RALGPS1: variants seen among roughly 807,000 people sequenced by gnomAD.
The protein encoded by RALGPS1 is ras-specific guanine nucleotide-releasing factor RalGPS1.
Under a neutral mutation model 78.8 loss-of-function variants are expected in RALGPS1, and 19 were observed. The ratio of observed to expected loss-of-function variants is 0.24; its 90% CI spans 0.17 to 0.35. RALGPS1 has a LOEUF of 0.35. Among genes scored for constraint, RALGPS1 ranks in the 10% least tolerant of loss-of-function variants. RALGPS1 has a pLI of 1.00. For synonymous variants in RALGPS1, 228 were observed against 256.3 expected, an observed-to-expected ratio of 0.89 and a Z score of 1.06; for missense variants, 454 against 688.3, an observed-to-expected ratio of 0.66 and a Z score of 3.81.
intron 1 of RALGPS1, among the ~76,000 whole-genome samples, chr9:126,953,812 A>G (rs1018755568): frequency 6.6e-6 from 1 of 152,178 alleles, no homozygotes; most frequent in African/African-American, 2.4e-5. Context: ...TGCTGTTGCT[A>G]TATTGTGGTG....
At chr9:127,101,462 G>A (rs754672535) in intron 8 of RALGPS1, among the ~76,000 whole-genome samples, 1 of 152,168 alleles carries the variant, frequency 6.6e-6, no homozygotes, top group Non-Finnish European at 1.5e-5. Context: ...TGCTCTGTGT[G>A]CCTCCCTCCA....
intron 6 of RALGPS1, among the ~76,000 whole-genome samples, chr9:127,051,956 G>A (rs1057499580): frequency 6.6e-6 from 1 of 152,224 alleles, no homozygotes; most frequent in African/African-American, 2.4e-5. Flanking sequence ...GGTGGGCAAA[G>A]ACAAGGCTGA....
At chr9:127,173,918 T>C (rs578144286) in intron 10 of RALGPS1, among the ~76,000 whole-genome samples, 132 of 151,280 alleles carry the variant, frequency 8.7e-4, no homozygotes, top group Non-Finnish European at 1.7e-3. Context: ...GAGGCTGAGG[T>C]ATGAGAATCG....
intron 14 of RALGPS1, among the ~76,000 whole-genome samples, chr9:127,210,231 C>T (rs1166985291): frequency 1.3e-5 from 2 of 152,186 alleles, no homozygotes; most frequent in African/African-American, 4.8e-5. Flanking sequence ...ACTGTCCAGT[C>T]GAGAGCAAAC....
rs1314646929 is a variant in RALGPS1 at position 127,222,480 on chromosome 9, A to T, written c.*3711A>T. On this transcript the variant is annotated 3_prime_UTR_variant, in exon 19 of 19. Coordinates refer to ENST00000259351, the MANE Select transcript of RALGPS1 (RefSeq NM_014636.3). ...TCCATAGGTTTCTGTTTTTAATTTCAATGTTAAATACAACTACAATATGAG... is the reference window on the plus strand; with the variant it reads ...TCCATAGGTTTCTGTTTTTAATTTCTATGTTAAATACAACTACAATATGAG... The T allele has an allele frequency of 6.6e-6, 1 of 152,236 alleles. No individual in the cohort carries two copies. The highest frequency in any genetic ancestry group is 6.5e-5 in the Admixed American group (1 of 15,288). 9.4% of individuals were successfully genotyped at this position (152,236 alleles called of 1,614,324 possible).
intron 1 of RALGPS1, among the ~76,000 whole-genome samples, chr9:126,918,476 A>T (rs2034407795): frequency 6.6e-6 from 1 of 152,052 alleles, no homozygotes; most frequent in South Asian, 2.1e-4. Flanking sequence ...ACTGCGCCAC[A>T]ACACCTGGCT....
intron 1 of RALGPS1, among the ~76,000 whole-genome samples, chr9:126,932,713 A>G (rs2035900336): frequency 6.6e-6 from 1 of 152,152 alleles, no homozygotes; most frequent in South Asian, 2.1e-4. Context: ...ATGTTATAAA[A>G]CATTTTTATA....
At chr9:127,146,445 A>C (rs2058097946) in intron 8 of RALGPS1, among the ~76,000 whole-genome samples, 1 of 150,948 alleles carries the variant, frequency 6.6e-6, no homozygotes, top group African/African-American at 2.4e-5. Context: ...ATATATGTAC[A>C]TTTTCTTTAT....
chr9:127,190,294 C>G (rs1278847846), intron 11 of RALGPS1, among the ~76,000 whole-genome samples: 3 of 152,220 alleles, frequency 2.0e-5, no homozygotes, highest in Admixed American at 6.5e-5. Context: ...GCAACTTACT[C>G]TCTCCACTTA....
At chr9:127,041,110 G>A (rs374571193) in intron 5 of RALGPS1, among the ~76,000 whole-genome samples, 4 of 143,860 alleles carry the variant, frequency 2.8e-5, no homozygotes, top group Admixed American at 2.1e-4. Flanking sequence ...TTTTATCCCC[G>A]AGGTGGAGTC....
At chr9:127,169,510 G>A (rs1264963297) in intron 10 of RALGPS1, among the ~76,000 whole-genome samples, 1 of 152,024 alleles carries the variant, frequency 6.6e-6, no homozygotes, top group Non-Finnish European at 1.5e-5. Context: ...AGTCCTCTTG[G>A]CCCATTTTCA....
intron 8 of RALGPS1, among the ~76,000 whole-genome samples, chr9:127,127,827 A>G (rs192301046): frequency 2.4e-4 from 36 of 152,124 alleles, no homozygotes; most frequent in African/African-American, 7.2e-4. Flanking sequence ...TAAAATCTGC[A>G]TCAAAGCTAG....
chr9:127,061,432 T>C (rs182910394), intron 7 of RALGPS1, among the ~76,000 whole-genome samples: 2 of 152,386 alleles, frequency 1.3e-5, no homozygotes, highest in East Asian at 3.8e-4. Flanking sequence ...AAAAGTAGAA[T>C]AAGCAGTCAA....
intron 8 of RALGPS1, chr9:127,069,607 G>C: frequency 2.5e-6 from 1 of 405,318 alleles, no homozygotes; most frequent in Non-Finnish European, 4.5e-6. Context: ...TCCCCAGGCT[G>C]CAGCCCAGAT....
Position 127,122,159 on chromosome 9 carries a change from T to C in RALGPS1, c.611-43910T>C, listed in dbSNP as rs1050383571. ...ATGTCCACAGGTTCTGCCCCGGACATGCCTCGTTTGGCTCCAAGCGATAGC... is the reference window on the plus strand; with the variant it reads ...ATGTCCACAGGTTCTGCCCCGGACACGCCTCGTTTGGCTCCAAGCGATAGC... On this transcript the variant is annotated intron_variant, in intron 8 of 18. Transcript: ENST00000259351. This position sits in a 1 kb window ranked among gnomAD's most constrained non-coding sequence, Gnocchi z 6.4. Among the ~76,000 whole-genome samples, 8 of 152,260 alleles carry C rather than the reference T, an allele frequency of 5.3e-5. No individual in the cohort carries two copies. The highest frequency in any genetic ancestry group is 1.7e-4 in the African/African-American group (7 of 41,544).
At chr9:126,964,340 G>C (rs755208029) in intron 2 of RALGPS1, among the ~76,000 whole-genome samples, 28 of 144,696 alleles carry the variant, frequency 1.9e-4, no homozygotes, top group Non-Finnish European at 3.6e-4. Context: ...CTGCACTTTT[G>C]CCCGGGTGAC....
At chr9:127,034,634 T>C (rs113318573) in intron 5 of RALGPS1, 120 bp downstream of exon 5, 1 of 802,738 alleles carries the variant, frequency 1.2e-6, no homozygotes, top group South Asian at 1.4e-5. Flanking sequence ...ATCCAGCTTC[T>C]CATATGAGTC....
intron 1 of RALGPS1, 140 bp downstream of exon 1, chr9:126,915,115 G>A (rs947494907): frequency 2.1e-5 from 3 of 145,906 alleles, no homozygotes; most frequent in Admixed American, 6.8e-5. Context: ...GGCCGCCGAA[G>A]CCGGGGAGGG....
At chr9:127,070,521 A>G (rs1038658606) in intron 8 of RALGPS1, among the ~76,000 whole-genome samples, 2 of 152,218 alleles carry the variant, frequency 1.3e-5, no homozygotes, top group African/African-American at 2.4e-5. Context: ...GTCAATTTGT[A>G]CTTTCATCAG....
Sources: gnomAD v4.1 joint callset for allele counts (sites outside exome capture counted in the v4.1 genomes callset) on GRCh38, gnomAD v4.1.1 for gene constraint, Gnocchi (gnomAD v3.1) non-coding constraint, MANE v1.5 for transcripts, NCBI Gene and HGNC (gene_info 2026-07-23, HGNC 2026-07-21) for gene names.